The following CCDC170 variants were observed in gnomAD, a reference collection of about 807,000 sequenced individuals.
CCDC170 encodes the protein coiled-coil domain containing 170.
A neutral mutation model predicts 72.6 loss-of-function variants in CCDC170; 69 were observed. The observed-to-expected ratio is 0.95, with a 90% CI of 0.78 to 1.16. The LOEUF is 1.16. Ranked by LOEUF, CCDC170 falls within the 50% of genes most tolerant of loss-of-function variation. The probability of loss-of-function intolerance (pLI) is 0.00; values close to 1 mark genes in which losing one functional copy is unlikely to be tolerated. For missense variants in CCDC170, 852 were observed against 832.5 expected (o/e 1.02, Z -0.29); for synonymous variants, 300 against 303.9 (o/e 0.99, Z 0.13).
chr6:151,503,928 C>CA (rs1178358022), intron 1 of CCDC170, among the ~76,000 whole-genome samples: 5 of 152,098 alleles, frequency 3.3e-5, no homozygotes, highest in African/African-American at 1.2e-4. Flanking sequence ...AAAAAGGCTG[C>CA]AAAACTGTTC....
chr6:151,552,184 G>T (rs371433520), intron 5 of CCDC170, among the ~76,000 whole-genome samples: 34 of 152,196 alleles, frequency 2.2e-4, no homozygotes, highest in African/African-American at 7.2e-4. Flanking sequence ...TTGGATTCAG[G>T]TTAAGGCTTT....
At chr6:151,497,952 CAAAAA>C (rs59201906) in intron 1 of CCDC170, among the ~76,000 whole-genome samples, 1 of 58,048 alleles carries the variant, frequency 1.7e-5, no homozygotes, top group African/African-American at 6.3e-5. Context: ...CACACCATCT[CAAAAA>C]AAAAAAAAAA....
chr6:151,609,690 C>T (rs933147200), intron 9 of CCDC170, among the ~76,000 whole-genome samples: 5 of 152,110 alleles, frequency 3.3e-5, no homozygotes, highest in South Asian at 2.1e-4. Flanking sequence ...GAGGAGTTCC[C>T]TTAGGAAGAT....
chr6:151,539,361 C>T (rs1342757821), intron 3 of CCDC170, among the ~76,000 whole-genome samples: 1 of 152,200 alleles, frequency 6.6e-6, no homozygotes, highest in East Asian at 1.9e-4. Flanking sequence ...AGTGAGTGCA[C>T]AGTGCAAGTT....
intron 9 of CCDC170, among the ~76,000 whole-genome samples, chr6:151,601,693 G>C (rs571349599): frequency 1.3e-5 from 2 of 152,336 alleles, no homozygotes; most frequent in South Asian, 4.1e-4. Context: ...TGGAGACCCA[G>C]GTAGAGCTGA....
chr6:151,524,996 A>T (rs562078732), intron 1 of CCDC170, among the ~76,000 whole-genome samples: 3 of 137,352 alleles, frequency 2.2e-5, no homozygotes, highest in Admixed American at 8.1e-5. Flanking sequence ...GCAGTGGTGC[A>T]ATCTCGGCTC....
intron 5 of CCDC170, among the ~76,000 whole-genome samples, chr6:151,572,219 C>A (rs1278455210): frequency 6.6e-6 from 1 of 152,158 alleles, no homozygotes; most frequent in East Asian, 1.9e-4. Flanking sequence ...ATCCTCCCAC[C>A]TACCAAATGG....
chr6:151,514,353 GAGGGAGGGAGGGAGGGAGGGAGGA>G (rs1782199716), intron 1 of CCDC170, among the ~76,000 whole-genome samples: 5 of 101,536 alleles, frequency 4.9e-5, no homozygotes, highest in Admixed American at 1.1e-4. Flanking sequence ...GGGAGGGAGG[GAGGGAGGGAGGGAGGGAGGGAGGA>G]AGGAAGGAAG....
intron 10 of CCDC170, 164 bp downstream of exon 10, chr6:151,615,843 G>A (rs556637686): frequency 1.1e-5 from 7 of 617,444 alleles, no homozygotes; most frequent in Middle Eastern, 4.4e-4. Flanking sequence ...TCTCTGTATC[G>A]TTCCAATGTT....
intron 6 of CCDC170, among the ~76,000 whole-genome samples, chr6:151,574,867 A>G (rs1776278745): frequency 3.9e-5 from 6 of 152,238 alleles, no homozygotes; most frequent in Admixed American, 3.9e-4. Flanking sequence ...GCAAGTCACA[A>G]CAATAAATAT....
chr6:151,520,551 G>A (rs1359556208), intron 1 of CCDC170, among the ~76,000 whole-genome samples: 2 of 152,190 alleles, frequency 1.3e-5, no homozygotes, highest in African/African-American at 4.8e-5. Flanking sequence ...CTTCTTGCCT[G>A]GGGACTAGAC....
chr6:151,567,870 A>T (rs1437519395), intron 5 of CCDC170, among the ~76,000 whole-genome samples: 1 of 152,030 alleles, frequency 6.6e-6, no homozygotes, highest in Non-Finnish European at 1.5e-5. Context: ...GCACTTTGGG[A>T]GGCCGAGGCA....
At chr6:151,540,789 T>C (rs55679430) in intron 3 of CCDC170, among the ~76,000 whole-genome samples, 1,890 of 152,214 alleles carry the variant, frequency 0.012, 38 homozygotes, top group African/African-American at 0.038. Flanking sequence ...TACCATCATA[T>C]TGGGAATTAG....
chr6:151,609,326 T>C (rs1776833630), intron 9 of CCDC170, among the ~76,000 whole-genome samples: 1 of 152,176 alleles, frequency 6.6e-6, no homozygotes, highest in Non-Finnish European at 1.5e-5. Context: ...TCAGAGAGCC[T>C]GAGTTCACTT....
At chr6:151,598,537 A>AC (rs1293496352) in intron 9 of CCDC170, among the ~76,000 whole-genome samples, 1 of 152,138 alleles carries the variant, frequency 6.6e-6, no homozygotes, top group East Asian at 1.9e-4. Flanking sequence ...ATTAGCTGAG[A>AC]CCAATGATGT....
intron 3 of CCDC170, among the ~76,000 whole-genome samples, chr6:151,540,371 TGC>T (rs1263727951): frequency 4.9e-5 from 6 of 122,706 alleles, no homozygotes; most frequent in Admixed American, 9.6e-5. Context: ...CTTCTGCTGC[TGC>T]TTTTTTTTTT....
intron 7 of CCDC170, among the ~76,000 whole-genome samples, chr6:151,589,418 G>T (rs1298450026): frequency 2.0e-5 from 3 of 152,146 alleles, no homozygotes; most frequent in Non-Finnish European, 4.4e-5. Context: ...AAACTGAAAT[G>T]ACATCTGCTC....
intron 1 of CCDC170, among the ~76,000 whole-genome samples, chr6:151,499,085 G>T (rs1037299312): frequency 3.9e-5 from 5 of 129,468 alleles, no homozygotes; most frequent in East Asian, 2.7e-4. Context: ...AGTGGAATCA[G>T]ACTGTATTTG....
chr6:151,502,121 T>C (rs566329704), intron 1 of CCDC170, among the ~76,000 whole-genome samples: 10 of 152,230 alleles, frequency 6.6e-5, no homozygotes, highest in African/African-American at 2.4e-4. Context: ...AAAATAACTG[T>C]CTAAACCAGG....
Sources: gnomAD v4.1 joint callset for allele counts (sites outside exome capture counted in the v4.1 genomes callset) on GRCh38, gnomAD v4.1.1 for gene constraint, MANE v1.5 for transcripts, NCBI Gene and HGNC (gene_info 2026-07-23, HGNC 2026-07-21) for gene names.